The following AKNA variants were observed in gnomAD, a reference collection of about 807,000 sequenced individuals.
AKNA encodes the protein AT-hook transcription factor.
A neutral mutation model predicts 138.8 loss-of-function variants in AKNA; 67 were observed. That is an observed-to-expected ratio of 0.48 (90% CI 0.40 to 0.59). AKNA has a LOEUF of 0.59. AKNA is among the 20% of genes least tolerant of loss of function. AKNA has a pLI of 0.00. For missense variants in AKNA, 1,813 were observed against 1,880.4 expected (o/e 0.96, Z 0.66); for synonymous variants, 737 against 754.4 (o/e 0.98, Z 0.38).
At chr9:114,360,191 C>T (rs1429959931) in intron 9 of AKNA, 129 bp from the exon 10 acceptor site, 2 of 1,106,994 alleles carry the variant, frequency 1.8e-6, no homozygotes, top group Non-Finnish European at 2.6e-6. Flanking sequence ...CTAAGCCCAC[C>T]ACCCTTTTAT....
intron 17 of AKNA, among the ~76,000 whole-genome samples, 167 bp from the exon 18 acceptor site, chr9:114,346,176 C>A (rs1830673148): frequency 6.6e-6 from 1 of 152,184 alleles, no homozygotes; most frequent in South Asian, 2.1e-4. Context: ...GCCCCCGTGC[C>A]AAGCGCTAGT....
At chr9:114,383,016 C>T (rs984621792) in intron 1 of AKNA, 21 of 394,308 alleles carry the variant, frequency 5.3e-5, no homozygotes, top group African/African-American at 1.9e-4. Flanking sequence ...AAACGCCTTC[C>T]GAGTGAGGAG....
chr9:114,360,848 G>A (rs1230720905), intron 9 of AKNA, among the ~76,000 whole-genome samples: 2 of 152,196 alleles, frequency 1.3e-5, no homozygotes, highest in Non-Finnish European at 2.9e-5. Flanking sequence ...TCAAGGGGTT[G>A]TGGTGTGGGC....
intron 14 of AKNA, among the ~76,000 whole-genome samples, chr9:114,355,668 G>T (rs1213009665): frequency 6.6e-6 from 1 of 152,208 alleles, no homozygotes; most frequent in Non-Finnish European, 1.5e-5. Flanking sequence ...GCTATGCAGT[G>T]CATGACAGTA....
At chr9:114,342,859 G>GATGA (rs149365711) in intron 19 of AKNA, among the ~76,000 whole-genome samples, 10,948 of 151,954 alleles carry the variant, frequency 0.072, 1,319 homozygotes, top group African/African-American at 0.25. Context: ...AGGGGTAAGT[G>GATGA]ATGAATGAAT....
In AKNA at chr9:114,376,555, T is replaced by C; in HGVS notation, c.1252A>G (p.Lys418Glu). Residue 418 changes from lysine (K) to glutamate (E), a missense_variant, in exon 3 of 22, where the codon AAG (lysine) becomes GAG (glutamate). By Grantham distance (56) the Lys-to-Glu change is moderately conservative. Coordinates refer to ENST00000374088, the MANE Select transcript of AKNA (RefSeq NM_001317950.2). ...ATAGGGTGGGCAGGAGGCGTGTCCT[T>C]TGCCAGGGCTGCTTCTCCACTGCTC... is the stretch of plus-strand genomic sequence containing the variant. ...LLSSGEAALA[K>E]DTPPAHPITR... 6.2e-7 allele frequency: 1 copy of C among 1,614,072 alleles called. No individual in the cohort carries two copies. The highest frequency in any genetic ancestry group is 1.1e-5 in the South Asian group (1 of 91,076).
In AKNA at chr9:114,336,812, C is replaced by T. The variant is rs1436730699; in HGVS notation, c.*242G>A. 5 of 438,212 alleles carry T rather than the reference C, an allele frequency of 1.1e-5. No homozygotes were observed. The highest frequency in any genetic ancestry group is 7.9e-5 in the South Asian group (1 of 12,596). The allele number at this position is 438,212 out of a possible 1,614,324, so 27.1% of individuals were successfully genotyped here. ...GTTCTGCCTGGACCGAAGGAGGCCT[C>T]GCTCACAGCACCTCTGTGAGGGGAC... On this transcript the variant is annotated 3_prime_UTR_variant, in exon 22 of 22. Coordinates refer to ENST00000374088, the MANE Select transcript of AKNA (RefSeq NM_001317950.2).
chr9:114,338,304 T>A (rs1830126755), intron 21 of AKNA, among the ~76,000 whole-genome samples: 1 of 152,206 alleles, frequency 6.6e-6, no homozygotes, highest in African/African-American at 2.4e-5. Context: ...AAGATGCATA[T>A]CCTTAGCCAT....
chr9:114,359,715 C>T lies in AKNA; in HGVS notation c.2371G>A (p.Gly791Arg), dbSNP rs773105528. Residue 791 changes from glycine (G) to arginine (R), a missense_variant, in exon 11 of 22, where the codon GGG becomes AGG. By Grantham distance (125) the Gly-to-Arg change is moderately radical. Coordinates refer to ENST00000374088, the MANE Select transcript of AKNA (RefSeq NM_001317950.2). ...TCAACTTCCAGGGAGTCACCTCCCC[C>T]CTCTTCCTCCTCCTCCTCCTCTCCT... ...EEGEEEEEEEGGGDSLEVDGV... is the reference protein window; with the variant it reads ...EEGEEEEEEERGGDSLEVDGV... 7 of 1,609,970 alleles carry T rather than the reference C, an allele frequency of 4.3e-6. No homozygotes were observed. The African/African-American group carries it at 6.7e-5, about 15-fold the overall frequency.
At chr9:114,392,104 C>CAA (rs61619495), upstream of AKNA, among the ~76,000 whole-genome samples, 2,828 of 86,532 alleles carry the variant, frequency 0.033, 176 homozygotes, top group African/African-American at 0.13. Flanking sequence ...AGACGCTTGT[C>CAA]AAAAAAAAAA....
chr9:114,337,012 T>TGGGGGGGGGGGC lies in AKNA; in HGVS notation c.*41_*42insGCCCCCCCCCCC. On this transcript the variant is annotated 3_prime_UTR_variant, in exon 22 of 22. Transcript: ENST00000374088. ...CCCACTCCTGGCCTGGCAGGCCACC[T>TGGGGGGGGGGGC]GCCCACCCACCCACCCATCTGCCTC... is the stretch of plus-strand genomic sequence containing the variant. The TGGGGGGGGGGGC allele has an allele frequency of 9.1e-6, 11 of 1,208,224 alleles. No individual in the cohort carries two copies. Among genetic ancestry groups the TGGGGGGGGGGGC allele is most frequent in the Non-Finnish European group, 1.2e-5 (11 of 929,350 alleles). 74.8% of individuals were successfully genotyped at this position (1,208,224 alleles called of 1,614,324 possible). A position where few individuals can be genotyped will look rare whatever the true frequency, so the allele number is the denominator to read the frequency against.
At chr9:114,397,854 C>A (rs993452526), upstream of AKNA, among the ~76,000 whole-genome samples, 1 of 152,152 alleles carries the variant, frequency 6.6e-6, no homozygotes, top group African/African-American at 2.4e-5. Flanking sequence ...GTTCTACCTT[C>A]CCCCCCGCGA....
rs1368168045 is a variant in AKNA at position 114,377,313 on chromosome 9, T to C, written c.494A>G (p.His165Arg). The change falls in exon 3 of 22, where the codon CAT becomes CGT. Residue 165 changes from histidine (H) to arginine (R), a missense_variant. Physicochemically the swap from His to Arg is conservative, Grantham distance 29. Transcript: ENST00000374088. ...AGCCACCCAGCCCCTGGCCTGACCA[T>C]GCCCAAGAGCCATGGGGCTGGTGTT... is the stretch of plus-strand genomic sequence containing the variant. ...HGNTSPMALG[H>R]GQARGWVASG... The C allele has an allele frequency of 1.2e-6, 2 of 1,614,112 alleles. No homozygotes were observed. The highest frequency in any genetic ancestry group is 1.1e-5 in the South Asian group (1 of 91,086).
At chr9:114,364,973 A>G (rs1484985446) in intron 6 of AKNA, among the ~76,000 whole-genome samples, 1 of 152,204 alleles carries the variant, frequency 6.6e-6, no homozygotes, top group African/African-American at 2.4e-5. Flanking sequence ...CAACAAGAGG[A>G]AGGCACACGT....
At position 114,372,970 on chromosome 9, in the gene AKNA, G is replaced by T. The variant is rs76621725; in HGVS notation, c.1416+1123C>A. 2.8e-5 allele frequency among the ~76,000 whole-genome samples: 4 copies of T among 141,488 alleles called. 1 individual carries two copies. Among genetic ancestry groups the T allele is most frequent in the Admixed American group, 6.9e-5 (1 of 14,478 alleles). The allele number at this position is 141,488 out of a possible 152,430, so 92.8% of individuals were successfully genotyped here. A position where few individuals can be genotyped will look rare whatever the true frequency, so the allele number is the denominator to read the frequency against. On this transcript the variant is annotated intron_variant, in intron 4 of 21. Coordinates refer to ENST00000374088, the MANE Select transcript of AKNA (RefSeq NM_001317950.2). Reference sequence around the variant, plus strand: ...AGCAGGTGTGGGGACGCAGCGGGGGGGGGGGGGGTCCTGGTCCTAGAACAG... The same window carrying T: ...AGCAGGTGTGGGGACGCAGCGGGGGTGGGGGGGGTCCTGGTCCTAGAACAG...
chr9:114,351,586 G>A (rs1831123856), intron 14 of AKNA, among the ~76,000 whole-genome samples: 1 of 151,914 alleles, frequency 6.6e-6, no homozygotes, highest in Admixed American at 6.6e-5. Context: ...GCTGAGACGG[G>A]AGGATTGCTT....
At chr9:114,371,626 G>A (rs764985173) in intron 4 of AKNA, among the ~76,000 whole-genome samples, 34 of 152,230 alleles carry the variant, frequency 2.2e-4, no homozygotes, top group Admixed American at 5.2e-4. Context: ...GCCTTGGTGT[G>A]TGTGTGGAGG....
At chr9:114,339,674 T>C (rs1023180062) in intron 21 of AKNA, among the ~76,000 whole-genome samples, 2 of 152,084 alleles carry the variant, frequency 1.3e-5, no homozygotes, top group Non-Finnish European at 2.9e-5. Flanking sequence ...GATCAATGAG[T>C]TGGAACACTG....
At position 114,350,996 on chromosome 9, in the gene AKNA, C is replaced by G. The variant is rs767417537; in HGVS notation, c.3084G>C (p.Gly1028=). 1 of 1,613,516 alleles carries G rather than the reference C, an allele frequency of 6.2e-7. No individual in the cohort carries two copies. Among genetic ancestry groups the G allele is most frequent in the Non-Finnish European group, 8.5e-7 (1 of 1,179,882 alleles). ...GGGGCTGTTCAGAAATCCGTTTGTG[C>G]CCCTCAAACTCTGAGCCAGGAACCG... ...EMAVPGSEFE[G]HKRISEQPLP... The change falls in exon 15 of 22, where the codon GGG becomes GGC. Residue 1028 remains glycine (G), a synonymous_variant. Coordinates refer to ENST00000374088, the MANE Select transcript of AKNA (RefSeq NM_001317950.2).
Sources: allele counts gnomAD v4.1 joint callset (sites outside exome capture counted in the v4.1 genomes callset), GRCh38; gene constraint gnomAD v4.1.1; transcripts MANE v1.5; gene names NCBI Gene and HGNC (gene_info 2026-07-23, HGNC 2026-07-21).